Variants in GPR176 observed in about 807,000 individuals in gnomAD.
The protein encoded by GPR176 is G-protein coupled receptor 176.
Under a neutral mutation model 35.4 loss-of-function variants are expected in GPR176, and 26 were observed. The ratio of observed to expected loss-of-function variants is 0.74; its 90% confidence interval spans 0.54 to 1.02. The LOEUF (loss-of-function observed/expected upper bound fraction) is 1.02, where lower values mean the gene tolerates loss of function less well. Among genes scored for constraint, GPR176 ranks in the 50% least tolerant of loss-of-function variants. The probability of loss-of-function intolerance (pLI) is 0.00; values close to 1 mark genes in which losing one functional copy is unlikely to be tolerated. For synonymous variants in GPR176, 278 were observed against 271.3 expected (o/e 1.02, Z -0.24); for missense variants, 597 against 665.3 (o/e 0.90, Z 1.13).
At chr15:39,915,776 G>A (rs1309736957) in intron 1 of GPR176, among the ~76,000 whole-genome samples, 1 of 152,154 alleles carries the variant, frequency 6.6e-6, no homozygotes, top group Non-Finnish European at 1.5e-5. Flanking sequence ...CTACTTGGGA[G>A]GCTGAGGCAG....
At chr15:39,864,359 C>T (rs1367735205) in intron 1 of GPR176, among the ~76,000 whole-genome samples, 1 of 152,154 alleles carries the variant, frequency 6.6e-6, no homozygotes, top group Non-Finnish European at 1.5e-5. Flanking sequence ...GTCAACTGAT[C>T]TTTGACAAAA....
intron 1 of GPR176, among the ~76,000 whole-genome samples, chr15:39,882,173 A>G (rs1178600168): frequency 1.3e-5 from 2 of 152,222 alleles, no homozygotes; most frequent in African/African-American, 4.8e-5. Flanking sequence ...AAAACAAATA[A>G]AGATTATTCT....
intron 1 of GPR176, among the ~76,000 whole-genome samples, chr15:39,808,931 A>G (rs960587855): frequency 2.0e-5 from 3 of 152,220 alleles, no homozygotes; most frequent in Non-Finnish European, 4.4e-5. Flanking sequence ...CAACTGTAAC[A>G]GGCACGTTGG....
intron 1 of GPR176, among the ~76,000 whole-genome samples, chr15:39,883,325 T>C (rs1364840214): frequency 2.6e-5 from 4 of 152,222 alleles, no homozygotes; most frequent in African/African-American, 9.6e-5. Flanking sequence ...TTCAGAATTA[T>C]ACTATCTTTC....
chr15:39,880,865 G>A (rs772534954), intron 1 of GPR176, among the ~76,000 whole-genome samples: 6 of 152,086 alleles, frequency 3.9e-5, no homozygotes, highest in East Asian at 1.9e-4. Flanking sequence ...TAGAAATCAC[G>A]ACAGCCTCAT....
rs538017478 is a variant in GPR176, at chr15:39,841,155, G to A, written c.173-33897C>T. On this transcript the variant is annotated intron_variant, in intron 1 of 2. Coordinates refer to ENST00000561100, the MANE Select transcript of GPR176 (RefSeq NM_007223.3). ...CATTTAACACTTATAACTAGATTGT[G>A]AATATGGCTGCAATTATTAAGGATG... 1.7e-3 allele frequency among the ~76,000 whole-genome samples: 253 copies of A among 152,200 alleles called. 2 individuals carry two copies. The highest frequency in any genetic ancestry group is 3.4e-3 in the Middle Eastern group (1 of 294).
chr15:39,854,820 T>G (rs2031101465), intron 1 of GPR176, among the ~76,000 whole-genome samples: 1 of 152,008 alleles, frequency 6.6e-6, no homozygotes, highest in African/African-American at 2.4e-5. Context: ...GAGGATCACT[T>G]GAGGCCAATA....
chr15:39,876,072 G>T (rs1330687618), intron 1 of GPR176, among the ~76,000 whole-genome samples: 2 of 151,754 alleles, frequency 1.3e-5, no homozygotes, highest in Admixed American at 1.3e-4. Flanking sequence ...GATCACTAGA[G>T]TCCAGGAGTT....
At chr15:39,871,106 A>G (rs1196715008) in intron 1 of GPR176, among the ~76,000 whole-genome samples, 1 of 152,204 alleles carries the variant, frequency 6.6e-6, no homozygotes, top group East Asian at 1.9e-4. Context: ...AGCATAATAG[A>G]AAACTAATAC....
chr15:39,811,699 G>A (rs1047089950), intron 1 of GPR176, among the ~76,000 whole-genome samples: 6 of 152,040 alleles, frequency 3.9e-5, no homozygotes, highest in Non-Finnish European at 5.9e-5. Context: ...GGCAGATCAC[G>A]AGGTCAGGAG....
intron 1 of GPR176, among the ~76,000 whole-genome samples, chr15:39,823,974 G>A (rs1424813969): frequency 1.3e-5 from 2 of 152,170 alleles, no homozygotes; most frequent in East Asian, 1.9e-4. Flanking sequence ...TTGAAATGTG[G>A]CCTCCATTGT....
At chr15:39,902,378 C>T (rs1243514700) in intron 1 of GPR176, among the ~76,000 whole-genome samples, 2 of 152,166 alleles carry the variant, frequency 1.3e-5, no homozygotes, top group Admixed American at 1.3e-4. Context: ...TGACACTCTT[C>T]AGGGAAAAGT....
intron 1 of GPR176, among the ~76,000 whole-genome samples, chr15:39,879,609 A>G (rs771142588): frequency 3.3e-5 from 5 of 152,110 alleles, no homozygotes; most frequent in Admixed American, 6.5e-5. Context: ...AACTTGTTGC[A>G]TGACAGGACT....
intron 1 of GPR176, among the ~76,000 whole-genome samples, chr15:39,873,333 T>TA (rs1041164301): frequency 7.9e-5 from 12 of 152,236 alleles, no homozygotes; most frequent in African/African-American, 2.2e-4. Flanking sequence ...GTTTCTCAGG[T>TA]AATAAGGTCT....
Position 39,801,012 on chromosome 15 carries a change from T to G in GPR176, c.*120A>C. 1 of 810,036 alleles carries G rather than the reference T, an allele frequency of 1.2e-6. No homozygotes were observed. Among genetic ancestry groups the G allele is most frequent in the Non-Finnish European group, 2.0e-6 (1 of 497,696 alleles). The allele number at this position is 810,036 out of a possible 1,614,324, so 50.2% of individuals were successfully genotyped here. On this transcript the variant is annotated 3_prime_UTR_variant, in exon 3 of 3. Transcript: ENST00000561100. ...ATCATTCAAAAGCATCTGGCCCATA[T>G]TGGAGGAATCAACTCACACTGAGTT...
intron 1 of GPR176, among the ~76,000 whole-genome samples, chr15:39,871,991 G>T (rs188860183): frequency 4.6e-5 from 7 of 152,308 alleles, no homozygotes; most frequent in Admixed American, 4.6e-4. Flanking sequence ...AAGGGATAAT[G>T]AGGCCAATTT....
At chr15:39,898,162 A>G (rs949013952) in intron 1 of GPR176, among the ~76,000 whole-genome samples, 2 of 152,224 alleles carry the variant, frequency 1.3e-5, no homozygotes, top group Admixed American at 6.5e-5. Flanking sequence ...AATATTGTGT[A>G]GACCAACTAG....
intron 1 of GPR176, among the ~76,000 whole-genome samples, chr15:39,861,563 C>A (rs2031590142): frequency 6.6e-6 from 1 of 151,880 alleles, no homozygotes; most frequent in Admixed American, 6.6e-5. Context: ...AAAAAAAATC[C>A]TATATTTTAG....
chr15:39,844,619 T>C (rs760950118), intron 1 of GPR176, among the ~76,000 whole-genome samples: 36 of 151,922 alleles, frequency 2.4e-4, no homozygotes, highest in Non-Finnish European at 2.1e-4. Context: ...AGGTGAGAAT[T>C]TGGGGCAAGA....
Sources: gnomAD v4.1 joint callset for allele counts (sites outside exome capture counted in the v4.1 genomes callset) on GRCh38, gnomAD v4.1.1 for gene constraint, MANE v1.5 for transcripts, NCBI Gene and HGNC (gene_info 2026-07-23, HGNC 2026-07-21) for gene names.